SLC17A8: variants seen among roughly 807,000 people sequenced by gnomAD.
The protein encoded by SLC17A8 is vesicular glutamate transporter 3.
In SLC17A8, 31 loss-of-function variants were observed where a neutral mutation model predicts 58.0. That is an observed-to-expected ratio of 0.53 (90% confidence interval 0.40 to 0.72). The LOEUF is 0.72. SLC17A8 is among the 30% of genes least tolerant of loss of function. The pLI is 0.00. For missense variants in SLC17A8, 655 were observed against 727.8 expected (o/e 0.90, Z 1.15); for synonymous variants, 228 against 249.0 (o/e 0.92, Z 0.79).
intron 1 of SLC17A8, among the ~76,000 whole-genome samples, chr12:100,377,089 C>T (rs1396670239): frequency 1.3e-5 from 2 of 152,074 alleles, no homozygotes; most frequent in Admixed American, 6.5e-5. Flanking sequence ...GGATTACAGG[C>T]GTGAGCTACC....
intron 1 of SLC17A8, among the ~76,000 whole-genome samples, chr12:100,366,240 C>T (rs755240660): frequency 6.6e-6 from 1 of 152,010 alleles, no homozygotes; most frequent in Non-Finnish European, 1.5e-5. Context: ...TTCCATTTGA[C>T]TTTTTTCTAT....
At chr12:100,407,185 A>G (rs979952720) in intron 9 of SLC17A8, among the ~76,000 whole-genome samples, 1 of 152,246 alleles carries the variant, frequency 6.6e-6, no homozygotes, top group African/African-American at 2.4e-5. Flanking sequence ...AAGTTTTTCA[A>G]AGAGTTCTTT....
chr12:100,395,668 A>C (rs946439117), intron 4 of SLC17A8, among the ~76,000 whole-genome samples: 3 of 151,172 alleles, frequency 2.0e-5, no homozygotes, highest in African/African-American at 7.3e-5. Flanking sequence ...GCTGAAGTGC[A>C]GTGGTGCAAT....
chr12:100,384,870 G>C (rs1263183220), intron 2 of SLC17A8, among the ~76,000 whole-genome samples: 1 of 152,148 alleles, frequency 6.6e-6, no homozygotes, highest in African/African-American at 2.4e-5. Context: ...TTGCCCCACA[G>C]AGTCTTTCAT....
At position 100,386,676 on chromosome 12, in the gene SLC17A8, G is replaced by A. The variant is rs184573021; in HGVS notation, c.355-4325G>A. Among the ~76,000 whole-genome samples, 61 of 146,934 alleles carry A rather than the reference G, an allele frequency of 4.2e-4. 1 individual carries two copies. Among genetic ancestry groups the A allele is most frequent in the Admixed American group, 1.7e-3 (24 of 14,132 alleles). On this transcript the variant is annotated intron_variant, in intron 2 of 11. Coordinates refer to ENST00000323346, the MANE Select transcript of SLC17A8 (RefSeq NM_139319.3). ...AAAAGATGAATAGTATTCCATTGGT[G>A]TGTATACCACATTTCCTTTTTTTTT...
At chr12:100,365,912 T>C (rs1952517287) in intron 1 of SLC17A8, among the ~76,000 whole-genome samples, 1 of 152,192 alleles carries the variant, frequency 6.6e-6, no homozygotes, top group African/African-American at 2.4e-5. Context: ...GGATATATAC[T>C]GTCATTCATC....
chr12:100,410,339 T>C (rs140511779), intron 9 of SLC17A8, among the ~76,000 whole-genome samples: 27 of 151,712 alleles, frequency 1.8e-4, no homozygotes, highest in East Asian at 1.6e-3. Flanking sequence ...ACTAAATATA[T>C]AAACAATTAG....
chr12:100,389,659 C>A (rs1952700077), intron 2 of SLC17A8, among the ~76,000 whole-genome samples: 1 of 151,082 alleles, frequency 6.6e-6, no homozygotes, highest in African/African-American at 2.4e-5. Flanking sequence ...GAGACAGGAG[C>A]TTGCTCTGTC....
intron 10 of SLC17A8, among the ~76,000 whole-genome samples, chr12:100,414,904 C>T (rs188778267): frequency 2.6e-5 from 4 of 152,174 alleles, no homozygotes; most frequent in African/African-American, 7.2e-5. Context: ...TAGCAAGTTC[C>T]CCAGAGCTGC....
chr12:100,412,973 G>A, intron 10 of SLC17A8, 93 bp downstream of exon 10: 1 of 974,222 alleles, frequency 1.0e-6, no homozygotes, highest in Non-Finnish European at 1.7e-6. Flanking sequence ...CCTTCTTTCA[G>A]TAGCCAGTCC....
intron 3 of SLC17A8, among the ~76,000 whole-genome samples, chr12:100,392,469 C>T (rs544034980): frequency 6.6e-6 from 1 of 152,072 alleles, no homozygotes; most frequent in Admixed American, 6.6e-5. Context: ...GAAGCCACTA[C>T]CATAAGATCT....
chr12:100,409,336 C>A (rs1490153218), intron 9 of SLC17A8, among the ~76,000 whole-genome samples: 2 of 152,106 alleles, frequency 1.3e-5, no homozygotes, highest in Non-Finnish European at 2.9e-5. Flanking sequence ...CAGGCACATG[C>A]AACCATGCCT....
chr12:100,396,581 T>G (rs1311539563), intron 5 of SLC17A8, among the ~76,000 whole-genome samples, 164 bp downstream of exon 5: 1 of 150,406 alleles, frequency 6.6e-6, no homozygotes, highest in Non-Finnish European at 1.5e-5. Context: ...ACACTTCGTC[T>G]TTAAAAAAAA....
intron 5 of SLC17A8, among the ~76,000 whole-genome samples, chr12:100,397,740 G>A (rs1467659431): frequency 6.6e-6 from 1 of 152,074 alleles, no homozygotes; most frequent in Non-Finnish European, 1.5e-5. Flanking sequence ...CTAGGAGTTT[G>A]AGACCAACCT....
At chr12:100,393,265 C>T in intron 3 of SLC17A8, 104 bp from the exon 4 acceptor site, 1 of 783,112 alleles carries the variant, frequency 1.3e-6, no homozygotes. Context: ...ACAGGGATTT[C>T]CACAGGGATC....
chr12:100,362,995 G>A (rs1952494714), intron 1 of SLC17A8, among the ~76,000 whole-genome samples: 2 of 152,206 alleles, frequency 1.3e-5, no homozygotes, highest in Admixed American at 6.5e-5. Context: ...TCATCTGGGT[G>A]CCAAACATAT....
chr12:100,415,618 C>T (rs979233701), intron 10 of SLC17A8, among the ~76,000 whole-genome samples: 1 of 151,962 alleles, frequency 6.6e-6, no homozygotes, highest in Non-Finnish European at 1.5e-5. Context: ...TTTTTCGAGA[C>T]AGGGTCTCAC....
chr12:100,419,398 G>A (rs1010926156), intron 11 of SLC17A8, among the ~76,000 whole-genome samples: 1 of 152,034 alleles, frequency 6.6e-6, no homozygotes, highest in Non-Finnish European at 1.5e-5. Context: ...GCCAGGCGTG[G>A]TGGCGGGCAC....
Position 100,391,116 on chromosome 12 carries a change from A to G in SLC17A8, c.470A>G (p.Asn157Ser), listed in dbSNP as rs1438670647. The G allele has an allele frequency of 1.9e-6, 3 of 1,589,650 alleles. No homozygotes were observed. Among genetic ancestry groups the G allele is most frequent in the Non-Finnish European group, 8.6e-7 (1 of 1,157,796 alleles). Residue 157 changes from asparagine (N) to serine (S), a missense_variant, in exon 3 of 12, where the codon AAC (asparagine) becomes AGC (serine). By Grantham distance (46) the Asn-to-Ser change is conservative. Transcript: ENST00000323346. ...GGFISNKFAA[N>S]RVFGAAIFLT... ...TTCATTTCAAACAAGTTTGCTGCTAACAGGTAAGATAAATTGATATAACAT... is the reference window on the plus strand; with the variant it reads ...TTCATTTCAAACAAGTTTGCTGCTAGCAGGTAAGATAAATTGATATAACAT...
Sources: gnomAD v4.1 joint callset for allele counts (sites outside exome capture counted in the v4.1 genomes callset) on GRCh38, gnomAD v4.1.1 for gene constraint, MANE v1.5 for transcripts, NCBI Gene and HGNC (gene_info 2026-07-23, HGNC 2026-07-21) for gene names.